DYNC2I1: variants seen among roughly 807,000 people sequenced by gnomAD.
DYNC2I1 encodes the protein cytoplasmic dynein 2 intermediate chain 1.
In DYNC2I1, 89 loss-of-function variants were observed where a neutral mutation model predicts 133.4. The ratio of observed to expected loss-of-function variants is 0.67; its 90% confidence interval spans 0.56 to 0.80. The LOEUF (loss-of-function observed/expected upper bound fraction) is 0.80. Ranked by LOEUF, DYNC2I1 falls within the 30% of genes least tolerant of loss-of-function variation. The pLI is 0.00. For synonymous variants in DYNC2I1, 504 were observed against 484.3 expected (o/e 1.04, Z -0.54); for missense variants, 1,291 against 1,314.5 (o/e 0.98, Z 0.28).
chr7:158,927,554 T>A (rs1328488330), intron 20 of DYNC2I1, among the ~76,000 whole-genome samples: 1 of 142,418 alleles, frequency 7.0e-6, no homozygotes, highest in Non-Finnish European at 1.5e-5. Flanking sequence ...ATATTCTGAA[T>A]GAATTTTTTT....
chr7:158,879,720 T>C lies in DYNC2I1; in HGVS notation c.610T>C (p.Tyr204His). 6.3e-7 allele frequency: 1 copy of C among 1,596,718 alleles called. No homozygotes were observed. The highest frequency in any genetic ancestry group is 1.7e-4 in the Middle Eastern group (1 of 5,916). Residue 204 changes from tyrosine (Y) to histidine (H), a missense_variant, in exon 5 of 25, where the codon TAC (tyrosine) becomes CAC (histidine). Physicochemically the swap from Tyr to His is moderately conservative, Grantham distance 83. Transcript: ENST00000407559. ...YGDSKDNPLK[Y>H]WLYKEEGERR... Reference sequence around the variant, plus strand: ...AGACAGCAAGGACAACCCTCTCAAGTACTGGCTTTATAAAGAAGAAGGCGA... The same window carrying C: ...AGACAGCAAGGACAACCCTCTCAAGCACTGGCTTTATAAAGAAGAAGGCGA...
At chr7:158,917,252 G>C (rs1848494523) in intron 14 of DYNC2I1, among the ~76,000 whole-genome samples, 1 of 120,250 alleles carries the variant, frequency 8.3e-6, no homozygotes, top group African/African-American at 3.2e-5. Context: ...CACGCTCGTT[G>C]ACATTAAGGA....
the DYNC2I1 span, among the ~76,000 whole-genome samples, chr7:158,840,308 A>G: frequency 1.3e-5 from 2 of 152,044 alleles, no homozygotes; most frequent in Admixed American, 1.3e-4. Flanking sequence ...GCCCATGCCT[A>G]TAATCCCAGC....
At chr7:158,850,893 CTAACTT>C in the DYNC2I1 span, among the ~76,000 whole-genome samples, 1 of 151,928 alleles carries the variant, frequency 6.6e-6, no homozygotes, top group Non-Finnish European at 1.5e-5. Flanking sequence ...CCCCAGGACT[CTAACTT>C]TATGAGGAGC....
intron 4 of DYNC2I1, among the ~76,000 whole-genome samples, chr7:158,956,044 G>A (rs533715043): frequency 2.0e-5 from 3 of 152,334 alleles, no homozygotes; most frequent in Admixed American, 2.0e-4. Flanking sequence ...GCCTGTCATT[G>A]GATTTGTGAA....
chr7:158,909,226 G>A (rs567818208), intron 11 of DYNC2I1, among the ~76,000 whole-genome samples: 2 of 151,534 alleles, frequency 1.3e-5, no homozygotes, highest in African/African-American at 2.4e-5. Flanking sequence ...AGCCACTCGG[G>A]AGGCTGAGGC....
chr7:158,877,141 C>T (rs898142669), intron 4 of DYNC2I1, among the ~76,000 whole-genome samples: 2 of 151,876 alleles, frequency 1.3e-5, no homozygotes, highest in Admixed American at 1.3e-4. Context: ...CTTGGTGTTT[C>T]GCGGTGCGGG....
rs750097552 is a variant in DYNC2I1 at position 158,918,876 on chromosome 7, G to C, written c.1921+7G>C. ...AGTCTACCATTCCTTCAAAGTAAGA[G>C]GCTGTTCTCAAATATGATTTTAAAT... is the stretch of plus-strand genomic sequence containing the variant. On this transcript the variant is annotated splice_region_variant and intron_variant, in intron 15 of 24. Coordinates refer to ENST00000407559, the MANE Select transcript of DYNC2I1 (RefSeq NM_018051.5). 11 of 1,609,400 alleles carry C rather than the reference G, an allele frequency of 6.8e-6. No individual in the cohort carries two copies. The highest frequency in any genetic ancestry group is 9.3e-6 in the Non-Finnish European group (11 of 1,176,868).
upstream of DYNC2I1, among the ~76,000 whole-genome samples, chr7:158,854,343 G>A (rs1400052155): frequency 6.6e-6 from 1 of 152,026 alleles, no homozygotes; most frequent in Non-Finnish European, 1.5e-5. Flanking sequence ...TCCTCCAAAG[G>A]CCATCTAGTC....
At chr7:158,880,991 CG>C (rs1390768648) in intron 5 of DYNC2I1, among the ~76,000 whole-genome samples, 1 of 152,178 alleles carries the variant, frequency 6.6e-6, no homozygotes, top group Admixed American at 6.5e-5. Context: ...GCGCAGGACC[CG>C]GATCTCCTGA....
intron 5 of DYNC2I1, among the ~76,000 whole-genome samples, chr7:158,883,394 T>G (rs1585025015): frequency 6.6e-6 from 1 of 150,604 alleles, no homozygotes; most frequent in African/African-American, 2.4e-5. Context: ...TTTTTTTTTT[T>G]TTGTATTTTT....
intron 3 of DYNC2I1, among the ~76,000 whole-genome samples, chr7:158,876,306 TC>T (rs1843352881): frequency 6.6e-6 from 1 of 152,088 alleles, no homozygotes; most frequent in Non-Finnish European, 1.5e-5. Context: ...ACCCCCATGA[TC>T]CAGTCACCTC....
chr7:158,949,169 C>G (rs992861679), downstream of DYNC2I1, among the ~76,000 whole-genome samples: 1 of 152,224 alleles, frequency 6.6e-6, no homozygotes, highest in Non-Finnish European at 1.5e-5. Context: ...GGAGACTCAA[C>G]ACCAGGAACA....
upstream of DYNC2I1, among the ~76,000 whole-genome samples, chr7:158,852,746 A>C (rs1841088152): frequency 6.6e-6 from 1 of 152,216 alleles, no homozygotes; most frequent in South Asian, 2.1e-4. Flanking sequence ...TCTCAAAAAA[A>C]TAAAAATAAA....
At chr7:158,886,044 CAT>C (rs969811543) in intron 6 of DYNC2I1, among the ~76,000 whole-genome samples, 24 of 148,324 alleles carry the variant, frequency 1.6e-4, no homozygotes, top group South Asian at 6.3e-4. Context: ...TATTATATAA[CAT>C]ATTTATATTT....
the DYNC2I1 span, among the ~76,000 whole-genome samples, chr7:158,848,439 C>T: frequency 6.6e-6 from 1 of 152,082 alleles, no homozygotes; most frequent in Non-Finnish European, 1.5e-5. Flanking sequence ...TTTTCTGTCC[C>T]CCATGAGTCT....
chr7:158,908,814 C>T (rs940996934), intron 11 of DYNC2I1, among the ~76,000 whole-genome samples: 3 of 152,084 alleles, frequency 2.0e-5, no homozygotes, highest in African/African-American at 7.2e-5. Flanking sequence ...GTCGGTGGCT[C>T]AAGGTAGAGA....
At chr7:158,885,880 A>T (rs1226513291) in intron 6 of DYNC2I1, among the ~76,000 whole-genome samples, 2 of 152,126 alleles carry the variant, frequency 1.3e-5, no homozygotes, top group South Asian at 2.1e-4. Context: ...ACCGCATGGT[A>T]TATTGATATG....
rs376341294 is a variant in DYNC2I1, at chr7:158,864,120, TG to T, written c.16-5726del. ...AGAGGGACGTCCTTAGCTCCGGGTG[TG>T]GGGGGGGGAGCAGACGTTCTTAGCT... is the stretch of plus-strand genomic sequence containing the variant. On this transcript the variant is annotated intron_variant, in intron 1 of 24. Transcript: ENST00000407559. Among the ~76,000 whole-genome samples, 118 of 25,824 alleles carry T rather than the reference TG, an allele frequency of 4.6e-3. 1 individual carries two copies. Among genetic ancestry groups the T allele is most frequent in the Middle Eastern group, 0.031 (1 of 32 alleles). 16.9% of individuals were successfully genotyped at this position (25,824 alleles called of 152,430 possible).
Sources: gnomAD v4.1 joint callset for allele counts (sites outside exome capture counted in the v4.1 genomes callset) on GRCh38, gnomAD v4.1.1 for gene constraint, MANE v1.5 for transcripts, NCBI Gene and HGNC (gene_info 2026-07-23, HGNC 2026-07-21) for gene names.